Variants in TENM4 observed in about 807,000 individuals in gnomAD.
The protein encoded by TENM4 is teneurin-4.
Under a neutral mutation model 243.3 loss-of-function variants are expected in TENM4, and 82 were observed. The observed-to-expected ratio is 0.34, with a 90% CI of 0.28 to 0.40. TENM4 has a LOEUF of 0.40. TENM4 is among the 10% of genes least tolerant of loss of function. The pLI is 1.00. For missense variants in TENM4, 3,138 were observed against 3,673.3 expected, an observed-to-expected ratio of 0.85 and a Z score of 3.77; for synonymous variants, 1,412 against 1,456.3, an observed-to-expected ratio of 0.97 and a Z score of 0.69.
intron 4 of TENM4, among the ~76,000 whole-genome samples, chr11:79,073,081 A>T (rs1860458612): frequency 6.6e-6 from 1 of 152,304 alleles, no homozygotes; most frequent in South Asian, 2.1e-4. Flanking sequence ...TGGCCCTGGC[A>T]TGGTGGAGAA....
chr11:79,392,777 C>G (rs998940417), intron 1 of TENM4, among the ~76,000 whole-genome samples: 1 of 152,206 alleles, frequency 6.6e-6, no homozygotes, highest in Admixed American at 6.5e-5. Context: ...TAAGGTCTTC[C>G]TAAACATGTT....
At chr11:78,729,752 CAGA>C (rs1415128648) in intron 21 of TENM4, 109 bp from the exon 22 acceptor site, 1 of 1,387,576 alleles carries the variant, frequency 7.2e-7, no homozygotes, top group Non-Finnish European at 9.6e-7. Flanking sequence ...GAGGGAAAGG[CAGA>C]AGGAGAGAGG....
At chr11:78,914,578 C>G (rs1364048033) in intron 6 of TENM4, among the ~76,000 whole-genome samples, 5 of 152,204 alleles carry the variant, frequency 3.3e-5, no homozygotes, top group Non-Finnish European at 5.9e-5. Flanking sequence ...CTCTACTGCT[C>G]TAACTAAATG....
At chr11:79,034,394 T>C (rs1014910740) in intron 6 of TENM4, among the ~76,000 whole-genome samples, 3 of 152,286 alleles carry the variant, frequency 2.0e-5, no homozygotes, top group Admixed American at 6.5e-5. Context: ...CCACAAATGC[T>C]ATTCTGCTGC....
intron 2 of TENM4, among the ~76,000 whole-genome samples, chr11:79,274,202 T>G (rs529615546): frequency 6.6e-6 from 1 of 152,304 alleles, no homozygotes; most frequent in Non-Finnish European, 1.5e-5. Context: ...AACACCTAGA[T>G]GGGTGGCAGG....
At chr11:78,734,150 C>T (rs1855734869) in intron 20 of TENM4, among the ~76,000 whole-genome samples, 2 of 152,008 alleles carry the variant, frequency 1.3e-5, no homozygotes, top group Non-Finnish European at 2.9e-5. Context: ...TGAGATTGCA[C>T]CACTGCACTC....
At chr11:79,195,216 G>A (rs1863598814) in intron 3 of TENM4, among the ~76,000 whole-genome samples, 1 of 152,190 alleles carries the variant, frequency 6.6e-6, no homozygotes, top group South Asian at 2.1e-4. Context: ...TGCAGGAGTG[G>A]GGCTTTCATG....
At chr11:78,767,748 C>T (rs76729855) in intron 18 of TENM4, among the ~76,000 whole-genome samples, 3,282 of 152,302 alleles carry the variant, frequency 0.022, 126 homozygotes, top group African/African-American at 0.074. Context: ...CACAATTTCC[C>T]TCCAGCCTGA....
intron 6 of TENM4, among the ~76,000 whole-genome samples, chr11:78,981,384 T>C (rs1857790373): frequency 6.6e-6 from 1 of 152,202 alleles, no homozygotes; most frequent in Non-Finnish European, 1.5e-5. Context: ...AATTATATTA[T>C]CTTCCATTTG....
rs1485073460 is a variant in TENM4 at position 79,141,245 on chromosome 11, G to T, written c.-66+7465C>A. Among the ~76,000 whole-genome samples the T allele has an allele frequency of 2.0e-5, 3 of 151,912 alleles. No homozygotes were observed. In the East Asian group the frequency reaches 5.8e-4, roughly 29 times the overall value. On this transcript the variant is annotated intron_variant, in intron 4 of 33. Transcript: ENST00000278550. ...TTTTCTGACTGTGACTCAACATTAA[G>T]AAATACATTTGAAGACTAAGAAACA...
chr11:79,416,242 C>T (rs974777393), intron 1 of TENM4, among the ~76,000 whole-genome samples: 3 of 152,146 alleles, frequency 2.0e-5, no homozygotes, highest in African/African-American at 7.2e-5. Flanking sequence ...TTTCACTTCC[C>T]TGGGGTAAAT....
At chr11:78,989,518 T>C (rs1591186789) in intron 6 of TENM4, among the ~76,000 whole-genome samples, 2 of 152,260 alleles carry the variant, frequency 1.3e-5, no homozygotes, top group East Asian at 3.8e-4. Flanking sequence ...CTTCATCTTC[T>C]GAGAACATGA....
chr11:79,196,798 C>A (rs1355998668), intron 3 of TENM4, among the ~76,000 whole-genome samples: 1 of 152,152 alleles, frequency 6.6e-6, no homozygotes, highest in Non-Finnish European at 1.5e-5. Context: ...CTCTTCCAGG[C>A]CTGGAGACTT....
chr11:79,004,233 C>T (rs774439237), intron 6 of TENM4, among the ~76,000 whole-genome samples: 54 of 152,218 alleles, frequency 3.5e-4, no homozygotes, highest in Middle Eastern at 6.8e-3. Flanking sequence ...GATAGATCAC[C>T]AAGGTAGAAA....
At chr11:78,830,272 A>T (rs1857949399) in intron 12 of TENM4, among the ~76,000 whole-genome samples, 1 of 152,032 alleles carries the variant, frequency 6.6e-6, no homozygotes, top group African/African-American at 2.4e-5. Context: ...CTCACCCTGG[A>T]CACCTCGGTG....
intron 4 of TENM4, among the ~76,000 whole-genome samples, chr11:79,106,336 C>T (rs1347960223): frequency 6.6e-6 from 1 of 152,206 alleles, no homozygotes; most frequent in Admixed American, 6.5e-5. Context: ...GGGAGGAAGC[C>T]CAGCCTAGTG....
chr11:78,851,326 G>A (rs910365043), intron 12 of TENM4, among the ~76,000 whole-genome samples: 7 of 152,158 alleles, frequency 4.6e-5, no homozygotes, highest in African/African-American at 1.7e-4. Context: ...GAAGACAGGT[G>A]TCCACATTTA....
Position 78,658,255 on chromosome 11 carries a change from G to T in TENM4, c.8113C>A (p.Arg2705Ser). 10 of 1,613,676 alleles carry T rather than the reference G, an allele frequency of 6.2e-6. No individual in the cohort carries two copies. The highest frequency in any genetic ancestry group is 8.5e-6 in the Non-Finnish European group (10 of 1,179,712). ...RQRAVRQAWA[R>S]EQQRLREGEE... is the part of the protein sequence containing the mutation. ...CCTTCCCGCAGTCTCTGCTGCTCGC[G>T]GGCCCACGCTTGGCGCACGGCTCTC... Residue 2705 changes from arginine (R) to serine (S), a missense_variant, in exon 34 of 34, where the codon CGC becomes AGC. Around this residue, in one of 2 missense-constraint regions of TENM4, gnomAD observed 2,467 missense variants for 3,059.1 expected, o/e 0.81. Coordinates refer to ENST00000278550, the MANE Select transcript of TENM4 (RefSeq NM_001098816.3).
chr11:78,898,044 T>C (rs1855838668), intron 7 of TENM4, among the ~76,000 whole-genome samples: 1 of 152,244 alleles, frequency 6.6e-6, no homozygotes, highest in South Asian at 2.1e-4. Flanking sequence ...AAGTGTCTGA[T>C]GCTGCAGAGT....
Sources: gnomAD v4.1 joint callset for allele counts (sites outside exome capture counted in the v4.1 genomes callset) on GRCh38, gnomAD v4.1.1 for gene constraint, gnomAD v4.1.1 regional missense constraint, MANE v1.5 for transcripts, NCBI Gene and HGNC (gene_info 2026-07-23, HGNC 2026-07-21) for gene names.